Variants in TNFRSF10B observed in about 807,000 individuals in gnomAD.
TNFRSF10B encodes TNF receptor superfamily member 10b, also known as tumor necrosis factor receptor superfamily member 10B.
In TNFRSF10B, 35 loss-of-function variants were observed where a neutral mutation model predicts 41.4. The ratio of observed to expected loss-of-function variants is 0.85; its 90% CI spans 0.65 to 1.12. The LOEUF (loss-of-function observed/expected upper bound fraction) is 1.12, where lower values mean the gene tolerates loss of function less well. Ranked by LOEUF, TNFRSF10B falls within the 50% of genes most tolerant of loss-of-function variation. The pLI is 0.00. For missense variants in TNFRSF10B, 584 were observed against 552.7 expected (o/e 1.06, Z -0.57); for synonymous variants, 230 against 215.5 (o/e 1.07, Z -0.59).
intron 1 of TNFRSF10B, among the ~76,000 whole-genome samples, chr8:23,063,202 G>A (rs1051589065): frequency 6.6e-6 from 1 of 152,108 alleles, no homozygotes; most frequent in African/African-American, 2.4e-5. Flanking sequence ...ACAAAAATTA[G>A]CTGGGTGTGG....
intron 1 of TNFRSF10B, among the ~76,000 whole-genome samples, chr8:23,059,621 C>T (rs1812767692): frequency 6.6e-6 from 1 of 152,232 alleles, no homozygotes; most frequent in Non-Finnish European, 1.5e-5. Flanking sequence ...ATTCTCCTGC[C>T]TCATCCTCCC....
At chr8:23,043,100 G>A (rs762973004) in intron 2 of TNFRSF10B, 38 bp downstream of exon 2, 3 of 1,577,066 alleles carry the variant, frequency 1.9e-6, no homozygotes, top group Non-Finnish European at 2.6e-6. Context: ...GAGACAAGGG[G>A]AGGAGGGGCA....
chr8:23,027,448 G>A, intron 6 of TNFRSF10B, 160 bp from the exon 7 acceptor site: 2 of 931,286 alleles, frequency 2.1e-6, no homozygotes, highest in South Asian at 3.0e-5. Context: ...CCCGCTGCTG[G>A]GGCCAGGCCC....
chr8:23,031,758 T>G (rs572126442), intron 2 of TNFRSF10B, among the ~76,000 whole-genome samples: 38 of 152,250 alleles, frequency 2.5e-4, no homozygotes, highest in African/African-American at 7.7e-4. Flanking sequence ...GAAATTAATG[T>G]TAATAATGCA....
intron 1 of TNFRSF10B, among the ~76,000 whole-genome samples, chr8:23,065,295 C>A (rs1317264184): frequency 6.6e-6 from 1 of 152,222 alleles, no homozygotes; most frequent in Non-Finnish European, 1.5e-5. Flanking sequence ...AGGACAGCCT[C>A]CAGCTACAGC....
chr8:23,054,983 GAA>G (rs1231394989), intron 1 of TNFRSF10B, among the ~76,000 whole-genome samples: 4 of 152,124 alleles, frequency 2.6e-5, no homozygotes, highest in African/African-American at 9.7e-5. Context: ...AAACAAGAGA[GAA>G]AAATTATGTT....
intron 1 of TNFRSF10B, among the ~76,000 whole-genome samples, chr8:23,048,937 A>T (rs77289240): frequency 0.073 from 11,160 of 152,228 alleles, 733 homozygotes; most frequent in African/African-American, 0.18. Context: ...TTTTTAAAAA[A>T]TTTTAAAAAG....
In TNFRSF10B at chr8:23,029,682, G is replaced by A; in HGVS notation, c.404C>T (p.Thr135Ile). 6.2e-7 allele frequency: 1 copy of A among 1,614,014 alleles called. No homozygotes were observed. Among genetic ancestry groups the A allele is most frequent in the Non-Finnish European group, 8.5e-7 (1 of 1,179,990 alleles). ...GGTGCCTTCTTCGCACTGACACACT[G>A]TGTTTCTGGTCGTGGTGCAGGGACT... ...ELSPCTTTRN[T>I]VCQCEEGTFR... is the part of the protein sequence containing the mutation. Residue 135 changes from threonine (T) to isoleucine (I), a missense_variant, in exon 4 of 9, where the codon ACA becomes ATA. Transcript: ENST00000276431.
intron 2 of TNFRSF10B, among the ~76,000 whole-genome samples, chr8:23,041,514 A>G (rs568380746): frequency 6.6e-6 from 1 of 152,048 alleles, no homozygotes; most frequent in East Asian, 1.9e-4. Flanking sequence ...CCTGGGCAAC[A>G]GAGTGAAATC....
chr8:23,029,562 C>G (rs755080060), intron 4 of TNFRSF10B, 48 bp downstream of exon 4: 1 of 1,553,550 alleles, frequency 6.4e-7, no homozygotes, highest in South Asian at 1.2e-5. Flanking sequence ...AGACTTGGGT[C>G]TTTTGGGGTT....
In TNFRSF10B at chr8:23,043,231, A is replaced by G. The variant is rs2128815918; in HGVS notation, c.157T>C (p.Ser53Pro). The change falls in exon 2 of 9, where the codon TCT (serine) becomes CCT (proline). Residue 53 changes from serine to proline, a missense_variant. Coordinates refer to ENST00000276431, the MANE Select transcript of TNFRSF10B (RefSeq NM_003842.5). ...AAVLLLVSAE[S>P]ALITQQDLAP... Reference sequence around the variant, plus strand: ...AGGTCTTGTTGGGTGATCAGAGCAGACTCAGCTGAGACCTGTGGGGACAAA... The same window carrying G: ...AGGTCTTGTTGGGTGATCAGAGCAGGCTCAGCTGAGACCTGTGGGGACAAA... The G allele has an allele frequency of 6.2e-7, 1 of 1,613,912 alleles. No individual in the cohort carries two copies. The highest frequency in any genetic ancestry group is 2.2e-5 in the East Asian group (1 of 44,866).
chr8:23,036,282 T>C (rs181377797), intron 2 of TNFRSF10B, among the ~76,000 whole-genome samples: 1 of 152,340 alleles, frequency 6.6e-6, no homozygotes, highest in East Asian at 1.9e-4. Context: ...CAAATGTAAT[T>C]GGTATATATA....
chr8:23,041,740 T>C (rs1448770699), intron 2 of TNFRSF10B, among the ~76,000 whole-genome samples: 1 of 151,872 alleles, frequency 6.6e-6, no homozygotes, highest in Admixed American at 6.6e-5. Flanking sequence ...TTTCGAGGAG[T>C]TTCCACATCT....
Position 23,033,721 on chromosome 8 carries a change from T to C in TNFRSF10B, c.251-2849A>G, listed in dbSNP as rs539962955. Among the ~76,000 whole-genome samples the C allele has an allele frequency of 4.0e-5, 6 of 148,254 alleles. No individual in the cohort carries two copies. In the South Asian group the frequency reaches 1.1e-3, roughly 27 times the overall value. On this transcript the variant is annotated intron_variant, in intron 2 of 8. Transcript: ENST00000276431. ...ACCATAGACCAAGTGGCTTAAACAATAGACATTTATTTATCATAGTTCTAG... is the reference window on the plus strand; with the variant it reads ...ACCATAGACCAAGTGGCTTAAACAACAGACATTTATTTATCATAGTTCTAG...
chr8:23,028,548 T>C lies in TNFRSF10B; in HGVS notation c.531A>G (p.Glu177=), dbSNP rs778609932. The C allele has an allele frequency of 4.3e-6, 7 of 1,613,990 alleles. No homozygotes were observed. Among genetic ancestry groups the C allele is most frequent in the East Asian group, 4.5e-5 (2 of 44,870 alleles). The change falls in exon 5 of 9, where the codon GAA becomes GAG. Residue 177 remains glutamate, a synonymous_variant. Coordinates refer to ENST00000276431, the MANE Select transcript of TNFRSF10B (RefSeq NM_003842.5). ...VGDCTPWSDI[E]CVHKESGTKH... Reference sequence around the variant, plus strand: ...TTGTACCTGATTCTTTGTGGACACATTCGATGTCACTCCAGGGTGTACAAT... The same window carrying C: ...TTGTACCTGATTCTTTGTGGACACACTCGATGTCACTCCAGGGTGTACAAT...
chr8:23,054,520 C>G (rs1253518070), intron 1 of TNFRSF10B, among the ~76,000 whole-genome samples: 2 of 152,092 alleles, frequency 1.3e-5, no homozygotes, highest in African/African-American at 4.8e-5. Flanking sequence ...AATCTGTTTT[C>G]TTTTGTAACA....
At chr8:23,067,224 C>T (rs778323214) in intron 1 of TNFRSF10B, among the ~76,000 whole-genome samples, 4 of 152,108 alleles carry the variant, frequency 2.6e-5, no homozygotes, top group South Asian at 2.1e-4. Context: ...GTGATCTGCC[C>T]GCCTCGGCCT....
intron 1 of TNFRSF10B, among the ~76,000 whole-genome samples, chr8:23,050,506 T>C (rs1812495566): frequency 1.3e-5 from 2 of 152,138 alleles, no homozygotes. Flanking sequence ...AAGGCCTTCG[T>C]GTTTTTGGTT....
At chr8:23,026,428 A>G (rs1811703488) in intron 7 of TNFRSF10B, among the ~76,000 whole-genome samples, 1 of 152,226 alleles carries the variant, frequency 6.6e-6, no homozygotes. Context: ...GAGACTCAGA[A>G]TAATTCAGGG....
Sources: allele counts gnomAD v4.1 joint callset (sites outside exome capture counted in the v4.1 genomes callset), GRCh38; gene constraint gnomAD v4.1.1; transcripts MANE v1.5; gene names NCBI Gene and HGNC (gene_info 2026-07-23, HGNC 2026-07-21).